The following RAPGEF1 variants were observed in gnomAD, a reference collection of about 807,000 sequenced individuals.
RAPGEF1 encodes the protein CRK SH3-binding GNRP.
A neutral mutation model predicts 143.3 loss-of-function variants in RAPGEF1; 33 were observed. The ratio of observed to expected loss-of-function variants is 0.23; its 90% CI spans 0.17 to 0.31. RAPGEF1 has a LOEUF of 0.31. RAPGEF1 is among the 10% of genes least tolerant of loss of function. The pLI is 1.00. For missense variants in RAPGEF1, 1,199 were observed against 1,645.4 expected (o/e 0.73, Z 4.69); for synonymous variants, 629 against 676.5 (o/e 0.93, Z 1.09).
At chr9:131,612,631 T>C (rs1958207707) in intron 12 of RAPGEF1, among the ~76,000 whole-genome samples, 1 of 152,150 alleles carries the variant, frequency 6.6e-6, no homozygotes, top group South Asian at 2.1e-4. Context: ...CTCTACGTTA[T>C]CCCGAGGGTC....
intron 1 of RAPGEF1, among the ~76,000 whole-genome samples, chr9:131,660,076 G>T (rs1043991349): frequency 6.6e-6 from 1 of 152,052 alleles, no homozygotes; most frequent in Non-Finnish European, 1.5e-5. Context: ...CCTCGGCCTC[G>T]CAAAGTGCTG....
In RAPGEF1 at chr9:131,628,978, C is replaced by T; in HGVS notation, c.893+124G>A. 2 of 1,321,744 alleles carry T rather than the reference C, an allele frequency of 1.5e-6. No individual in the cohort carries two copies. Among genetic ancestry groups the T allele is most frequent in the Non-Finnish European group, 1.0e-6 (1 of 986,628 alleles). The allele number at this position is 1,321,744 out of a possible 1,614,324, so 81.9% of individuals were successfully genotyped here. The stretch of plus-strand genomic sequence containing the variant: ...AGGGCCGGCGGGGTGGGGACAGCTC[C>T]AGAGTCAGCCTCCCAAGGGGGGCCA... On this transcript the variant is annotated intron_variant, in intron 7 of 26. Transcript: ENST00000683357. This position sits in a 1 kb window ranked among gnomAD's most constrained non-coding sequence, Gnocchi z 5.7.
chr9:131,648,252 G>A (rs1163610230), intron 3 of RAPGEF1, among the ~76,000 whole-genome samples: 4 of 152,112 alleles, frequency 2.6e-5, no homozygotes, highest in Non-Finnish European at 4.4e-5. Flanking sequence ...TTAGCCAGGC[G>A]TGGTAGAGGA....
chr9:131,616,253 C>T (rs1337956123), intron 12 of RAPGEF1, among the ~76,000 whole-genome samples: 1 of 152,132 alleles, frequency 6.6e-6, no homozygotes, highest in Non-Finnish European at 1.5e-5. Context: ...GGCAACAGAG[C>T]AAGACTCCAT....
intron 1 of RAPGEF1, among the ~76,000 whole-genome samples, chr9:131,663,881 T>C (rs1830001179): frequency 6.6e-6 from 1 of 152,250 alleles, no homozygotes; most frequent in Non-Finnish European, 1.5e-5. Flanking sequence ...TTTCACTGAA[T>C]AGTTTGGCAT....
intron 1 of RAPGEF1, among the ~76,000 whole-genome samples, chr9:131,698,730 G>A (rs972683211): frequency 1.5e-4 from 23 of 152,128 alleles, no homozygotes; most frequent in Non-Finnish European, 5.9e-5. Context: ...CCCCTTCCCC[G>A]ACCAGGTGAG....
At chr9:131,727,679 C>T (rs1378272846) in intron 1 of RAPGEF1, among the ~76,000 whole-genome samples, 1 of 152,218 alleles carries the variant, frequency 6.6e-6, no homozygotes, top group East Asian at 1.9e-4. Context: ...CGCACCCCTG[C>T]AGCACAGGCA....
chr9:131,723,550 C>T (rs1836424607), intron 1 of RAPGEF1, among the ~76,000 whole-genome samples: 1 of 152,208 alleles, frequency 6.6e-6, no homozygotes, highest in Admixed American at 6.5e-5. Context: ...TTGTGACTAG[C>T]TTATTTTACT....
chr9:131,733,299 G>A (rs1208191792), intron 1 of RAPGEF1, among the ~76,000 whole-genome samples: 1 of 138,796 alleles, frequency 7.2e-6, no homozygotes, highest in Non-Finnish European at 1.5e-5. Context: ...GTATACCTAT[G>A]TAACAAACCT....
At chr9:131,592,664 C>A (rs1399384745) in intron 17 of RAPGEF1, among the ~76,000 whole-genome samples, 1 of 152,170 alleles carries the variant, frequency 6.6e-6, no homozygotes. Flanking sequence ...TCTCAGCCAT[C>A]ATGGGAACAA....
At position 131,621,478 on chromosome 9, in the gene RAPGEF1, GA is replaced by G. The variant is rs1383699741; in HGVS notation, c.1905+317del. Among the ~76,000 whole-genome samples, 1 of 152,078 alleles carries G rather than the reference GA, an allele frequency of 6.6e-6. No homozygotes were observed. The highest frequency in any genetic ancestry group is 1.9e-4 in the East Asian group (1 of 5,190). Reference sequence around the variant, plus strand: ...GTCTATGTTGAAGCCAAAGAAGAAAGAAAAAAATACAAGAGACTGTCAGCAG... The same window carrying G: ...GTCTATGTTGAAGCCAAAGAAGAAAGAAAAAATACAAGAGACTGTCAGCAG... On this transcript the variant is annotated intron_variant, in intron 11 of 26. Transcript: ENST00000683357. This position sits in a 1 kb window ranked among gnomAD's most constrained non-coding sequence, Gnocchi z 4.5.
rs1952332379 is a variant in RAPGEF1 at position 131,584,196 on chromosome 9, G to A, written c.3414+115C>T. 1 of 966,270 alleles carries A rather than the reference G, an allele frequency of 1.0e-6. No individual in the cohort carries two copies. Among genetic ancestry groups the A allele is most frequent in the African/African-American group, 1.6e-5 (1 of 61,766 alleles). 59.9% of individuals were successfully genotyped at this position (966,270 alleles called of 1,614,324 possible). ...CACAGCATGTCGGTGGCAGAGCAGG[G>A]GCCTAGGCCCAGCATTTGCTCCAGT... On this transcript the variant is annotated intron_variant, in intron 24 of 26. Coordinates refer to ENST00000683357, the MANE Select transcript of RAPGEF1 (RefSeq NM_001377935.1). This position sits in a 1 kb window ranked among gnomAD's most constrained non-coding sequence, Gnocchi z 6.8.
intron 5 of RAPGEF1, among the ~76,000 whole-genome samples, chr9:131,632,109 A>G (rs1313336034): frequency 1.3e-5 from 2 of 151,500 alleles, no homozygotes; most frequent in African/African-American, 4.8e-5. Context: ...CCCAGGTGAG[A>G]GAGGTGAGAG....
intron 10 of RAPGEF1, among the ~76,000 whole-genome samples, chr9:131,622,661 C>T (rs1476030414): frequency 1.3e-5 from 2 of 152,162 alleles, no homozygotes; most frequent in East Asian, 1.9e-4. Context: ...CAACAAGCAC[C>T]GAGCAGAACT....
At chr9:131,720,980 T>C (rs1227840749) in intron 1 of RAPGEF1, among the ~76,000 whole-genome samples, 2 of 152,244 alleles carry the variant, frequency 1.3e-5, no homozygotes, top group African/African-American at 2.4e-5. Context: ...TATATGTACA[T>C]GTTTATGTTT....
At position 131,596,342 on chromosome 9, in the gene RAPGEF1, G is replaced by C; in HGVS notation, c.2645C>G (p.Ser882Cys). 6.2e-7 allele frequency: 1 copy of C among 1,613,986 alleles called. No individual in the cohort carries two copies. Residue 882 changes from serine (S) to cysteine (C), a missense_variant, in exon 17 of 27, where the codon TCT becomes TGT. Physicochemically the swap from Ser to Cys is moderately radical, Grantham distance 112. Transcript: ENST00000683357. ...AGCATGGACCAGTAAGATGTCCCCA[G>C]ATCCTCCGCGGACGTCCGGCCCGTC... ...GDDGPDVRGG[S>C]GDILLVHATE...
intron 20 of RAPGEF1, among the ~76,000 whole-genome samples, 196 bp from the exon 21 acceptor site, chr9:131,588,222 C>T (rs1953527234): frequency 6.6e-6 from 1 of 152,258 alleles, no homozygotes; most frequent in Non-Finnish European, 1.5e-5. Flanking sequence ...ACGACACTGT[C>T]TGCCTTTCTC....
intron 1 of RAPGEF1, among the ~76,000 whole-genome samples, chr9:131,697,968 C>A (rs1834318055): frequency 6.6e-6 from 1 of 152,134 alleles, no homozygotes; most frequent in African/African-American, 2.4e-5. Context: ...CAAAGTGGGG[C>A]GTGAAGGGGA....
At chr9:131,612,028 T>C (rs1249971186) in intron 12 of RAPGEF1, among the ~76,000 whole-genome samples, 2 of 152,160 alleles carry the variant, frequency 1.3e-5, no homozygotes, top group East Asian at 3.8e-4. Flanking sequence ...AACCATTTGA[T>C]CACAGAATAG....
Sources: gnomAD v4.1 joint callset for allele counts (sites outside exome capture counted in the v4.1 genomes callset) on GRCh38, gnomAD v4.1.1 for gene constraint, Gnocchi (gnomAD v3.1) non-coding constraint, MANE v1.5 for transcripts, NCBI Gene and HGNC (gene_info 2026-07-23, HGNC 2026-07-21) for gene names.